DSCAM: variants seen among roughly 807,000 people sequenced by gnomAD.
DSCAM encodes the protein cell adhesion molecule DSCAM.
In DSCAM, 47 loss-of-function variants were observed where a neutral mutation model predicts 217.7. That is an observed-to-expected ratio of 0.22 (90% CI 0.17 to 0.28). The LOEUF (loss-of-function observed/expected upper bound fraction) is 0.28. DSCAM is among the 10% of genes least tolerant of loss of function. The probability of loss-of-function intolerance (pLI) is 1.00; values close to 1 mark genes in which losing one functional copy is unlikely to be tolerated. For missense variants in DSCAM, 2,080 were observed against 2,618.3 expected, an observed-to-expected ratio of 0.79 and a Z score of 4.49; for synonymous variants, 1,056 against 1,015.3, an observed-to-expected ratio of 1.04 and a Z score of -0.76.
At chr21:40,167,190 C>A in intron 16 of DSCAM, 28 bp downstream of exon 16, 2 of 1,610,232 alleles carry the variant, frequency 1.2e-6, no homozygotes, top group Non-Finnish European at 1.7e-6. Context: ...GGGAAAGCAC[C>A]GAGAATACAA....
At chr21:40,745,787 A>C (rs2091168344) in intron 1 of DSCAM, among the ~76,000 whole-genome samples, 1 of 152,192 alleles carries the variant, frequency 6.6e-6, no homozygotes, top group Non-Finnish European at 1.5e-5. Context: ...GTGGAACGTA[A>C]ACCACTTGGA....
intron 3 of DSCAM, among the ~76,000 whole-genome samples, chr21:40,613,376 T>C (rs1219532739): frequency 1.3e-5 from 2 of 152,200 alleles, no homozygotes; most frequent in Non-Finnish European, 1.5e-5. Context: ...ACATATGGAA[T>C]GCTGTTTCAC....
At chr21:40,459,489 C>T (rs958749591) in intron 3 of DSCAM, among the ~76,000 whole-genome samples, 1 of 152,002 alleles carries the variant, frequency 6.6e-6, no homozygotes, top group African/African-American at 2.4e-5. Flanking sequence ...AAATAGGTTG[C>T]CTAAGTATGT....
At chr21:40,063,257 C>T (rs1214607423) in intron 27 of DSCAM, among the ~76,000 whole-genome samples, 1 of 151,986 alleles carries the variant, frequency 6.6e-6, no homozygotes, top group Non-Finnish European at 1.5e-5. Flanking sequence ...TGAACAAACC[C>T]ATGCTTTTTG....
intron 3 of DSCAM, among the ~76,000 whole-genome samples, chr21:40,420,088 C>A (rs1175751269): frequency 6.6e-6 from 1 of 152,080 alleles, no homozygotes; most frequent in Non-Finnish European, 1.5e-5. Flanking sequence ...AATACAGTAA[C>A]AGGATACCAA....
At chr21:40,438,225 G>A (rs754941748) in intron 3 of DSCAM, among the ~76,000 whole-genome samples, 9 of 152,088 alleles carry the variant, frequency 5.9e-5, no homozygotes, top group Non-Finnish European at 1.0e-4. Context: ...CCTAAGATCT[G>A]GTATCCTAAT....
chr21:40,083,515 T>C (rs962483920), intron 24 of DSCAM, among the ~76,000 whole-genome samples: 1 of 152,258 alleles, frequency 6.6e-6, no homozygotes, highest in Non-Finnish European at 1.5e-5. Context: ...TTGTTTTACA[T>C]CTACACTTTA....
chr21:40,226,356 G>C (rs943890645), intron 11 of DSCAM, among the ~76,000 whole-genome samples: 2 of 152,118 alleles, frequency 1.3e-5, no homozygotes, highest in African/African-American at 4.8e-5. Context: ...GGATTTTCTT[G>C]GATTGAAACA....
At chr21:40,378,784 G>A (rs1359033768) in intron 3 of DSCAM, among the ~76,000 whole-genome samples, 1 of 151,114 alleles carries the variant, frequency 6.6e-6, no homozygotes, top group African/African-American at 2.4e-5. Context: ...TAGTAGAGAC[G>A]GGGTTTCACC....
chr21:40,289,721 G>A (rs60717958), intron 10 of DSCAM, among the ~76,000 whole-genome samples: 18 of 152,216 alleles, frequency 1.2e-4, no homozygotes, highest in African/African-American at 2.9e-4. Flanking sequence ...GTAGGAAAGC[G>A]CATAGTATAT....
intron 1 of DSCAM, among the ~76,000 whole-genome samples, chr21:40,785,432 T>G (rs2091583955): frequency 6.6e-6 from 1 of 152,238 alleles, no homozygotes; most frequent in African/African-American, 2.4e-5. Context: ...CTCCTGAAGT[T>G]TCCTAAAATA....
rs549057754 is a variant in DSCAM, at chr21:40,419,988, C to T, written c.509-50743G>A. On this transcript the variant is annotated intron_variant, in intron 3 of 32. Coordinates refer to ENST00000400454, the MANE Select transcript of DSCAM (RefSeq NM_001389.5). ...CATTAGAACAAATACTGAAGGAATGCTTTTGAGTCATTAGAGAAAAAGTGG... is the reference window on the plus strand; with the variant it reads ...CATTAGAACAAATACTGAAGGAATGTTTTTGAGTCATTAGAGAAAAAGTGG... Among the ~76,000 whole-genome samples, 36 of 152,070 alleles carry T rather than the reference C, an allele frequency of 2.4e-4. 2 individuals are homozygous for T. In the South Asian group the frequency reaches 7.5e-3, roughly 32 times the overall value.
chr21:40,770,036 G>T (rs35591308), intron 1 of DSCAM, among the ~76,000 whole-genome samples: 38,699 of 152,042 alleles, frequency 0.25, 5,925 homozygotes, highest in South Asian at 0.34. Context: ...TCTGAATAAA[G>T]TCTGCCTTAC....
At chr21:40,424,566 G>A (rs1601632405) in intron 3 of DSCAM, among the ~76,000 whole-genome samples, 1 of 152,286 alleles carries the variant, frequency 6.6e-6, no homozygotes, top group African/African-American at 2.4e-5. Flanking sequence ...AATTTTGGAG[G>A]TGTAAGCTCC....
chr21:40,330,534 G>T (rs1046246017), intron 8 of DSCAM, among the ~76,000 whole-genome samples: 1 of 151,664 alleles, frequency 6.6e-6, no homozygotes, highest in Admixed American at 6.6e-5. Flanking sequence ...ATATTTTAAA[G>T]AAAGGTGTCT....
intron 3 of DSCAM, among the ~76,000 whole-genome samples, chr21:40,554,221 C>G (rs1350794031): frequency 2.0e-5 from 3 of 147,644 alleles, no homozygotes; most frequent in Non-Finnish European, 4.5e-5. Context: ...TTTAATGCGA[C>G]AAATTGTTGG....
intron 3 of DSCAM, among the ~76,000 whole-genome samples, chr21:40,448,185 CG>C (rs1316516177): frequency 6.6e-6 from 1 of 152,102 alleles, no homozygotes; most frequent in East Asian, 1.9e-4. Context: ...GTCTGTGAAG[CG>C]AGGATGTTTT....
At chr21:40,506,521 C>T (rs891192859) in intron 3 of DSCAM, among the ~76,000 whole-genome samples, 10 of 152,190 alleles carry the variant, frequency 6.6e-5, no homozygotes, top group South Asian at 4.1e-4. Flanking sequence ...ATATAAAGTG[C>T]TTAAATGGTA....
chr21:40,097,033 TAAAG>T (rs1479451334), intron 20 of DSCAM, among the ~76,000 whole-genome samples: 1 of 152,022 alleles, frequency 6.6e-6, no homozygotes, highest in East Asian at 1.9e-4. Flanking sequence ...CAAGAAATGT[TAAAG>T]AAAGTCCTTC....
Sources: allele counts gnomAD v4.1 joint callset (sites outside exome capture counted in the v4.1 genomes callset), GRCh38; gene constraint gnomAD v4.1.1; transcripts MANE v1.5; gene names NCBI Gene and HGNC (gene_info 2026-07-23, HGNC 2026-07-21).